SLC66A2: variants seen among roughly 807,000 people sequenced by gnomAD.
SLC66A2 encodes the protein PQ loop repeat containing 1.
SLC66A2 carries 23 observed loss-of-function variants against 25.5 expected under a neutral mutation model. The ratio of observed to expected loss-of-function variants is 0.90; its 90% CI spans 0.65 to 1.28. The LOEUF (loss-of-function observed/expected upper bound fraction) is 1.28. SLC66A2 is among the 50% of genes most tolerant of loss of function. SLC66A2 has a pLI of 0.00. For synonymous variants in SLC66A2, 193 were observed against 166.5 expected (o/e 1.16, Z -1.23); for missense variants, 396 against 373.1 (o/e 1.06, Z -0.51).
At chr18:79,939,516 A>G (rs1489591735) in intron 3 of SLC66A2, among the ~76,000 whole-genome samples, 1 of 152,268 alleles carries the variant, frequency 6.6e-6, no homozygotes, top group Non-Finnish European at 1.5e-5. Context: ...TCCAGCAACT[A>G]TAAGGAACTT....
rs1984629330 is a variant in SLC66A2, at chr18:79,918,946, C to T, written c.608+238G>A. ...TTCCGTCTCAACGGCCCTGAAGGAG[C>T]AGCTCCCAACCCCGTGCTGGGTCTC... On this transcript the variant is annotated intron_variant, in intron 5 of 5. Transcript: ENST00000397778. This position sits in a 1 kb window ranked among gnomAD's most constrained non-coding sequence, Gnocchi z 4.0. Among the ~76,000 whole-genome samples, 1 of 152,238 alleles carries T rather than the reference C, an allele frequency of 6.6e-6. No homozygotes were observed. The highest frequency in any genetic ancestry group is 6.5e-5 in the Admixed American group (1 of 15,288).
chr18:79,933,510 C>G (rs954468584), intron 4 of SLC66A2, among the ~76,000 whole-genome samples: 1 of 152,130 alleles, frequency 6.6e-6, no homozygotes, highest in Non-Finnish European at 1.5e-5. Flanking sequence ...ATCTACTAAA[C>G]AACTCTTAGA....
chr18:79,939,126 A>T (rs1018404138), intron 3 of SLC66A2, among the ~76,000 whole-genome samples: 4 of 152,208 alleles, frequency 2.6e-5, no homozygotes, highest in African/African-American at 9.6e-5. Flanking sequence ...ATTAACTTTC[A>T]AACTGAATTT....
At position 79,933,987 on chromosome 18, in the gene SLC66A2, G is replaced by C. The variant is rs1986828727; in HGVS notation, c.373C>G (p.Pro125Ala). The change falls in exon 4 of 6, where the codon CCC becomes GCC. Residue 125 changes from proline to alanine, a missense_variant. Transcript: ENST00000397778. ...TACATACCCAGGAAGGACCGCCTGGGGGCAACCTTGACTTCTTCATCCTTG... is the reference window on the plus strand; with the variant it reads ...TACATACCCAGGAAGGACCGCCTGGCGGCAACCTTGACTTCTTCATCCTTG... ...DSKDEEVKVA[P>A]RRSFLDFDPH... The C allele has an allele frequency of 6.2e-7, 1 of 1,612,610 alleles. No homozygotes were observed. Among genetic ancestry groups the C allele is most frequent in the Admixed American group, 1.7e-5 (1 of 59,916 alleles).
chr18:79,923,261 A>C, intron 4 of SLC66A2, among the ~76,000 whole-genome samples: 1 of 19,404 alleles, frequency 5.2e-5, no homozygotes, highest in Non-Finnish European at 1.0e-4. Flanking sequence ...TGGGTGGAGG[A>C]CGGGGGGCCA....
rs539018557 is a variant in SLC66A2 at position 79,917,271 on chromosome 18, A to G, written c.608+1913T>C. On this transcript the variant is annotated intron_variant, in intron 5 of 5. Transcript: ENST00000397778. This position sits in a 1 kb window ranked among gnomAD's most constrained non-coding sequence, Gnocchi z 6.0. ...GGGCAGCCCCTGGGCTGAGACCTTGAACAACATGCCTGCGCTGAACAGCAA... is the reference window on the plus strand; with the variant it reads ...GGGCAGCCCCTGGGCTGAGACCTTGGACAACATGCCTGCGCTGAACAGCAA... 2.6e-5 allele frequency among the ~76,000 whole-genome samples: 4 copies of G among 152,324 alleles called. No individual in the cohort carries two copies. In the South Asian group the frequency reaches 8.3e-4, roughly 32 times the overall value.
At chr18:79,936,582 T>A (rs1353359953) in intron 3 of SLC66A2, among the ~76,000 whole-genome samples, 1 of 152,204 alleles carries the variant, frequency 6.6e-6, no homozygotes, top group African/African-American at 2.4e-5. Context: ...TTGGGACAAA[T>A]TTCAAGTAAA....
In SLC66A2 at chr18:79,943,317, C is replaced by T; in HGVS notation, c.337+12G>A. ...TTCCCTGCGACTTTATTCCGAAGCGCCGGCCACCAACCTGTAAAGGAGCGG... is the reference window on the plus strand; with the variant it reads ...TTCCCTGCGACTTTATTCCGAAGCGTCGGCCACCAACCTGTAAAGGAGCGG... On this transcript the variant is annotated intron_variant, in intron 3 of 5. Coordinates refer to ENST00000397778, the MANE Select transcript of SLC66A2 (RefSeq NM_025078.5). The T allele has an allele frequency of 6.2e-7, 1 of 1,613,074 alleles. No individual in the cohort carries two copies. The highest frequency in any genetic ancestry group is 1.3e-5 in the African/African-American group (1 of 75,018).
At position 79,943,315 on chromosome 18, in the gene SLC66A2, C is replaced by T. The variant is rs374919877; in HGVS notation, c.337+14G>A. On this transcript the variant is annotated intron_variant, in intron 3 of 5. Transcript: ENST00000397778. ...GATTCCCTGCGACTTTATTCCGAAGCGCCGGCCACCAACCTGTAAAGGAGC... is the reference window on the plus strand; with the variant it reads ...GATTCCCTGCGACTTTATTCCGAAGTGCCGGCCACCAACCTGTAAAGGAGC... 2.0e-5 allele frequency: 33 copies of T among 1,612,486 alleles called. No homozygotes were observed. In the African/African-American group the frequency reaches 2.7e-4, roughly 13 times the overall value.
intron 5 of SLC66A2, among the ~76,000 whole-genome samples, chr18:79,907,513 C>T (rs10401106): frequency 6.6e-6 from 1 of 151,664 alleles, no homozygotes; most frequent in Non-Finnish European, 1.5e-5. Context: ...CACCACACTC[C>T]GCTAATGTTT....
At position 79,918,931 on chromosome 18, in the gene SLC66A2, A is replaced by G. The variant is rs1262227689; in HGVS notation, c.608+253T>C. 1.3e-5 allele frequency among the ~76,000 whole-genome samples: 2 copies of G among 152,170 alleles called. No individual in the cohort carries two copies. Among genetic ancestry groups the G allele is most frequent in the African/African-American group, 4.8e-5 (2 of 41,442 alleles). On this transcript the variant is annotated intron_variant, in intron 5 of 5. Transcript: ENST00000397778. This position sits in a 1 kb window ranked among gnomAD's most constrained non-coding sequence, Gnocchi z 4.0. Reference sequence around the variant, plus strand: ...CCTCCCACTGGAAGGTTCCGTCTCAACGGCCCTGAAGGAGCAGCTCCCAAC... The same window carrying G: ...CCTCCCACTGGAAGGTTCCGTCTCAGCGGCCCTGAAGGAGCAGCTCCCAAC...
chr18:79,925,475 C>T (rs367930218), intron 4 of SLC66A2, among the ~76,000 whole-genome samples: 3 of 152,202 alleles, frequency 2.0e-5, no homozygotes, highest in Non-Finnish European at 4.4e-5. Flanking sequence ...CAATGCTAAA[C>T]GAATGTTTCC....
intron 4 of SLC66A2, among the ~76,000 whole-genome samples, chr18:79,930,848 T>C (rs1713143565): frequency 6.6e-6 from 1 of 152,142 alleles, no homozygotes; most frequent in South Asian, 2.1e-4. Context: ...TTGAATGACA[T>C]AAAATGTATA....
At position 79,917,249 on chromosome 18, in the gene SLC66A2, C is replaced by A. The variant is rs1390988146; in HGVS notation, c.608+1935G>T. Among the ~76,000 whole-genome samples the A allele has an allele frequency of 2.0e-5, 3 of 152,248 alleles. No homozygotes were observed. Among genetic ancestry groups the A allele is most frequent in the Non-Finnish European group, 4.4e-5 (3 of 68,030 alleles). ...TCCCACGTCCCCCCAGCTGACGGGG[C>A]AGCCCCTGGGCTGAGACCTTGAACA... On this transcript the variant is annotated intron_variant, in intron 5 of 5. Transcript: ENST00000397778. The surrounding 1 kb of genome is among the most constrained non-coding windows in gnomAD (Gnocchi z 6.0).
intron 2 of SLC66A2, among the ~76,000 whole-genome samples, chr18:79,945,925 C>G (rs1041314927): frequency 1.3e-5 from 2 of 152,224 alleles, no homozygotes; most frequent in Non-Finnish European, 2.9e-5. Context: ...GCTGGGCAAG[C>G]ATCTAAAATA....
chr18:79,939,709 TTAA>T (rs1987474812), intron 3 of SLC66A2, among the ~76,000 whole-genome samples: 1 of 151,876 alleles, frequency 6.6e-6, no homozygotes, highest in Admixed American at 6.6e-5. Context: ...GGAATGGCTA[TTAA>T]TAAAAAAAAA....
intron 4 of SLC66A2, among the ~76,000 whole-genome samples, chr18:79,926,166 A>T (rs1293221543): frequency 6.6e-6 from 1 of 152,222 alleles, no homozygotes; most frequent in Non-Finnish European, 1.5e-5. Flanking sequence ...TTAGCATATC[A>T]TCAAGAAATA....
At chr18:79,936,561 A>G (rs991810414) in intron 3 of SLC66A2, among the ~76,000 whole-genome samples, 3 of 152,220 alleles carry the variant, frequency 2.0e-5, no homozygotes, top group African/African-American at 7.2e-5. Flanking sequence ...CCTGGAACTG[A>G]GTGTTGAGAT....
intron 5 of SLC66A2, among the ~76,000 whole-genome samples, chr18:79,911,446 C>T (rs913206317): frequency 2.0e-5 from 3 of 152,254 alleles, no homozygotes; most frequent in African/African-American, 7.2e-5. Context: ...AGACGGGGGC[C>T]GGCAGGACGT....
Sources: allele counts gnomAD v4.1 joint callset (sites outside exome capture counted in the v4.1 genomes callset), GRCh38; gene constraint gnomAD v4.1.1; non-coding constraint Gnocchi (gnomAD v3.1); transcripts MANE v1.5; gene names NCBI Gene and HGNC (gene_info 2026-07-23, HGNC 2026-07-21).